The following SLC35F3 variants were observed in gnomAD, a reference collection of about 807,000 sequenced individuals.
SLC35F3 encodes the protein solute carrier family 35 member F3.
A neutral mutation model predicts 49.9 loss-of-function variants in SLC35F3; 25 were observed. The observed-to-expected ratio is 0.50, with a 90% CI of 0.37 to 0.70. The LOEUF (loss-of-function observed/expected upper bound fraction) is 0.70. Among genes scored for constraint, SLC35F3 ranks in the 30% least tolerant of loss-of-function variants. The pLI is 0.00. For synonymous variants in SLC35F3, 275 were observed against 265.4 expected (o/e 1.04, Z -0.35); for missense variants, 525 against 639.8 (o/e 0.82, Z 1.94).
chr1:233,929,313 G>T (rs746870303), intron 2 of SLC35F3, among the ~76,000 whole-genome samples: 1 of 152,140 alleles, frequency 6.6e-6, no homozygotes, highest in Non-Finnish European at 1.5e-5. Flanking sequence ...GATTCAGCAA[G>T]ATTACATCCT....
chr1:233,985,042 G>C (rs1663245072), intron 2 of SLC35F3, among the ~76,000 whole-genome samples: 1 of 152,104 alleles, frequency 6.6e-6, no homozygotes. Context: ...AGGGGTCCCT[G>C]CTCCATCTCC....
chr1:233,991,810 G>T (rs1190348397), intron 2 of SLC35F3, among the ~76,000 whole-genome samples: 4 of 152,138 alleles, frequency 2.6e-5, no homozygotes, highest in East Asian at 1.9e-4. Context: ...ATCATCATCA[G>T]CATCATCATT....
chr1:234,017,645 C>T (rs36062763), intron 2 of SLC35F3, among the ~76,000 whole-genome samples: 19,466 of 140,430 alleles, frequency 0.14, 1,585 homozygotes, highest in Non-Finnish European at 0.19. Flanking sequence ...ACCCATGAGG[C>T]GGAGCTTGCA....
chr1:234,076,655 T>C (rs1664795884), intron 2 of SLC35F3, among the ~76,000 whole-genome samples: 1 of 151,992 alleles, frequency 6.6e-6, no homozygotes, highest in South Asian at 2.1e-4. Flanking sequence ...GAGATGGGGT[T>C]TCACCATGTT....
At chr1:234,314,159 C>T (rs1161496278) in intron 4 of SLC35F3, among the ~76,000 whole-genome samples, 3 of 152,130 alleles carry the variant, frequency 2.0e-5, no homozygotes, top group Admixed American at 6.5e-5. Flanking sequence ...ATCAGAGTCC[C>T]CCGCCTGCCT....
At chr1:234,146,810 G>A (rs750928563) in intron 2 of SLC35F3, among the ~76,000 whole-genome samples, 7 of 151,982 alleles carry the variant, frequency 4.6e-5, no homozygotes, top group African/African-American at 7.2e-5. Context: ...CACCGTGCCC[G>A]GCCTCATCTT....
chr1:234,268,348 G>A (rs1399642283), intron 3 of SLC35F3, among the ~76,000 whole-genome samples: 6 of 57,892 alleles, frequency 1.0e-4, no homozygotes, highest in East Asian at 0.048. Flanking sequence ...GCACGCACTC[G>A]GCAGGCTGTC....
At chr1:234,088,740 T>G (rs1558226077) in intron 2 of SLC35F3, among the ~76,000 whole-genome samples, 1 of 152,150 alleles carries the variant, frequency 6.6e-6, no homozygotes, top group Non-Finnish European at 1.5e-5. Flanking sequence ...TCATAAGGAA[T>G]GTTACAGAAC....
chr1:234,320,084 A>G lies in SLC35F3; in HGVS notation c.1148-14A>G. ...GTCATGAATAACACTCGTTGTTTAC[A>G]TTCTTTATTTCAGCATTCAATATTG... On this transcript the variant is annotated splice_polypyrimidine_tract_variant and intron_variant, in intron 6 of 7. Coordinates refer to ENST00000366618, the MANE Select transcript of SLC35F3 (RefSeq NM_173508.4). The surrounding 1 kb of genome is among the most constrained non-coding windows in gnomAD (Gnocchi z 4.8). The G allele has an allele frequency of 6.4e-7, 1 of 1,562,022 alleles. No individual in the cohort carries two copies. The highest frequency in any genetic ancestry group is 1.4e-5 in the African/African-American group (1 of 73,906).
chr1:234,212,419 A>G (rs1039041832), intron 2 of SLC35F3, among the ~76,000 whole-genome samples: 4 of 152,194 alleles, frequency 2.6e-5, no homozygotes, highest in African/African-American at 7.2e-5. Context: ...TGGAATAGCT[A>G]TGAGGAATTT....
At chr1:233,993,396 C>A (rs1663398175) in intron 2 of SLC35F3, among the ~76,000 whole-genome samples, 1 of 152,232 alleles carries the variant, frequency 6.6e-6, no homozygotes, top group African/African-American at 2.4e-5. Flanking sequence ...CTTCCTTAAC[C>A]TCGTGAGAAA....
chr1:233,964,579 G>A (rs916853183), intron 2 of SLC35F3, among the ~76,000 whole-genome samples: 3 of 152,204 alleles, frequency 2.0e-5, no homozygotes, highest in African/African-American at 4.8e-5. Context: ...GGCGAATCAG[G>A]GTGTTAAGAC....
chr1:233,919,792 G>C (rs1201943587), intron 2 of SLC35F3, among the ~76,000 whole-genome samples: 3 of 152,196 alleles, frequency 2.0e-5, no homozygotes, highest in Admixed American at 2.0e-4. Context: ...CAGGGCGGGG[G>C]TTGGTGTGGG....
chr1:234,141,254 C>T (rs942967768), intron 2 of SLC35F3, among the ~76,000 whole-genome samples: 1 of 152,024 alleles, frequency 6.6e-6, no homozygotes, highest in African/African-American at 2.4e-5. Flanking sequence ...GCTAATGAGT[C>T]ATGTCCTTTC....
rs1657554487 is a variant in SLC35F3, at chr1:234,318,971, C to T, written c.1147+28C>T. The T allele has an allele frequency of 1.9e-6, 3 of 1,594,402 alleles. No individual in the cohort carries two copies. The African/African-American group carries it at 4.0e-5, about 21-fold the overall frequency. On this transcript the variant is annotated intron_variant, in intron 6 of 7. Transcript: ENST00000366618. Reference sequence around the variant, plus strand: ...AAGTGCTAATCACCTGTCCAGAATTCCCAGAAAGCAACCACCCACAGAGGA... The same window carrying T: ...AAGTGCTAATCACCTGTCCAGAATTTCCAGAAAGCAACCACCCACAGAGGA...
chr1:233,915,555 A>T (rs538920644), intron 2 of SLC35F3, among the ~76,000 whole-genome samples: 14 of 151,042 alleles, frequency 9.3e-5, no homozygotes, highest in East Asian at 3.9e-4. Flanking sequence ...GTTTTTTTTT[A>T]AAAAAGTCCC....
chr1:234,204,197 C>T (rs1007097936), intron 2 of SLC35F3, among the ~76,000 whole-genome samples: 24 of 151,870 alleles, frequency 1.6e-4, no homozygotes, highest in Admixed American at 1.2e-3. Flanking sequence ...ATATTCACAT[C>T]AGTTTATTTT....
At chr1:234,304,171 T>A (rs963681506) in intron 3 of SLC35F3, among the ~76,000 whole-genome samples, 5 of 151,008 alleles carry the variant, frequency 3.3e-5, no homozygotes, top group Non-Finnish European at 5.9e-5. Flanking sequence ...CTATTAATTA[T>A]TTTTTTTTGA....
chr1:233,938,842 T>C (rs1422604658), intron 2 of SLC35F3, among the ~76,000 whole-genome samples: 1 of 151,938 alleles, frequency 6.6e-6, no homozygotes, highest in East Asian at 1.9e-4. Flanking sequence ...GTCATAGAAG[T>C]GAGGAAAGGA....
Sources: gnomAD v4.1 joint callset for allele counts (sites outside exome capture counted in the v4.1 genomes callset) on GRCh38, gnomAD v4.1.1 for gene constraint, Gnocchi (gnomAD v3.1) non-coding constraint, MANE v1.5 for transcripts, NCBI Gene and HGNC (gene_info 2026-07-23, HGNC 2026-07-21) for gene names.